Variants in NUP153 observed in about 807,000 individuals in gnomAD.
NUP153 encodes nuclear pore complex protein Nup153.
A neutral mutation model predicts 134.6 loss-of-function variants in NUP153; 27 were observed. That is an observed-to-expected ratio of 0.20 (90% CI 0.15 to 0.28). The LOEUF is 0.28. NUP153 is among the 10% of genes least tolerant of loss of function. The pLI is 1.00. For synonymous variants in NUP153, 640 were observed against 623.5 expected (o/e 1.03, Z -0.40); for missense variants, 1,821 against 1,731.3 (o/e 1.05, Z -0.92).
intron 20 of NUP153, among the ~76,000 whole-genome samples, chr6:17,620,778 G>GCTATCCAGGTCCTAT (rs1397645553): frequency 4.6e-5 from 7 of 152,142 alleles, no homozygotes; most frequent in African/African-American, 7.2e-5. Context: ...GCCCCTGGAA[G>GCTATCCAGGTCCTAT]CCAAAAGATA....
At chr6:17,641,977 T>C (rs964368159) in intron 14 of NUP153, among the ~76,000 whole-genome samples, 17 of 152,330 alleles carry the variant, frequency 1.1e-4, no homozygotes, top group African/African-American at 4.1e-4. Context: ...TAATGAAATA[T>C]ACTAATAACC....
intron 2 of NUP153, among the ~76,000 whole-genome samples, chr6:17,685,243 G>A (rs190827406): frequency 5.4e-4 from 72 of 134,074 alleles, no homozygotes; most frequent in Admixed American, 1.8e-3. Context: ...ATATAGTCAT[G>A]TGCCACATAA....
intron 1 of NUP153, among the ~76,000 whole-genome samples, chr6:17,698,446 T>C (rs556473894): frequency 1.3e-5 from 2 of 152,068 alleles, no homozygotes; most frequent in South Asian, 2.1e-4. Context: ...ATACAAAAAT[T>C]AGCTGGGAGC....
At chr6:17,659,912 G>A (rs905706221) in intron 11 of NUP153, among the ~76,000 whole-genome samples, 1 of 152,134 alleles carries the variant, frequency 6.6e-6, no homozygotes, top group Admixed American at 6.6e-5. Flanking sequence ...ATGATATACA[G>A]TAATAGATTC....
chr6:17,625,281 A>C lies in NUP153; in HGVS notation c.3902-448T>G, dbSNP rs1764870787. Reference sequence around the variant, plus strand: ...GCCAGGCACAGTGGCTCACACCTGTAATCTCAGCACTTTGAAAGGCCGAGG... The same window carrying C: ...GCCAGGCACAGTGGCTCACACCTGTCATCTCAGCACTTTGAAAGGCCGAGG... On this transcript the variant is annotated intron_variant, in intron 19 of 21. Coordinates refer to ENST00000262077, the MANE Select transcript of NUP153 (RefSeq NM_005124.4). This position sits in a 1 kb window ranked among gnomAD's most constrained non-coding sequence, Gnocchi z 4.7. 6.6e-6 allele frequency among the ~76,000 whole-genome samples: 1 copy of C among 152,208 alleles called. No homozygotes were observed. The highest frequency in any genetic ancestry group is 2.1e-4 in the South Asian group (1 of 4,834).
chr6:17,690,832 G>A (rs1017702542), intron 1 of NUP153, among the ~76,000 whole-genome samples: 3 of 152,154 alleles, frequency 2.0e-5, no homozygotes, highest in African/African-American at 7.2e-5. Context: ...CACTTGAATA[G>A]TAATTTCCTT....
intron 8 of NUP153, among the ~76,000 whole-genome samples, chr6:17,667,707 C>T (rs1243835548): frequency 2.0e-5 from 3 of 152,050 alleles, no homozygotes; most frequent in Admixed American, 6.6e-5. Context: ...CAGAGCGAGA[C>T]GCTGCCTCAA....
chr6:17,632,501 A>G, intron 17 of NUP153, 149 bp downstream of exon 17: 2 of 587,852 alleles, frequency 3.4e-6, no homozygotes, highest in East Asian at 5.9e-5. Context: ...AAACAGATAT[A>G]ACTAAAACAT....
Position 17,616,045 on chromosome 6 carries a change from G to A in NUP153, c.*52C>T. The A allele has an allele frequency of 7.8e-7, 1 of 1,285,724 alleles. No individual in the cohort carries two copies. The highest frequency in any genetic ancestry group is 1.1e-6 in the Non-Finnish European group (1 of 881,502). The allele number at this position is 1,285,724 out of a possible 1,614,324, so 79.6% of individuals were successfully genotyped here. ...CAGCACAAAGTACAATCCAGTATCT[G>A]AAAGCAGGGCACCAGCTGTTGTTAA... On this transcript the variant is annotated 3_prime_UTR_variant, in exon 22 of 22. Transcript: ENST00000262077.
chr6:17,668,228 G>A (rs1343370938), intron 8 of NUP153, among the ~76,000 whole-genome samples: 8 of 151,302 alleles, frequency 5.3e-5, no homozygotes, highest in Non-Finnish European at 7.4e-5. Context: ...GGTGCGCACC[G>A]CCACACCTGG....
chr6:17,626,051 T>C lies in NUP153; in HGVS notation c.3658A>G (p.Asn1220Asp), dbSNP rs779858702. 1 of 1,614,142 alleles carries C rather than the reference T, an allele frequency of 6.2e-7. No homozygotes were observed. The highest frequency in any genetic ancestry group is 1.3e-5 in the African/African-American group (1 of 75,050). Residue 1220 changes from asparagine (N) to aspartate (D), a missense_variant, in exon 19 of 22, where the codon AAT (asparagine) becomes GAT (aspartate). Physicochemically the swap from Asn to Asp is conservative, Grantham distance 23. Transcript: ENST00000262077. Reference protein sequence around the residue: ...GIFGSSTSSSNPPVATFVFGQ... With the variant: ...GIFGSSTSSSDPPVATFVFGQ... ...AACACAAAGGTAGCCACAGGTGGATTGGAGGAAGAGGTGGAACTACCAAAT... is the reference window on the plus strand; with the variant it reads ...AACACAAAGGTAGCCACAGGTGGATCGGAGGAAGAGGTGGAACTACCAAAT...
intron 1 of NUP153, among the ~76,000 whole-genome samples, chr6:17,703,655 T>TAAAA (rs57394467): frequency 1.4e-5 from 2 of 142,106 alleles, no homozygotes; most frequent in African/African-American, 2.6e-5. Context: ...TTTTTAAGAT[T>TAAAA]AAAAAAAAAA....
intron 13 of NUP153, 24 bp from the exon 14 acceptor site, chr6:17,646,178 A>C (rs1036432923): frequency 7.8e-7 from 1 of 1,286,546 alleles, no homozygotes; most frequent in Non-Finnish European, 1.1e-6. Flanking sequence ...GAATATCCTT[A>C]TACTTCGTTT....
chr6:17,629,007 T>C lies in NUP153; in HGVS notation c.3192A>G (p.Thr1064=). The change falls in exon 18 of 22, where the codon ACA becomes ACG. Residue 1064 remains threonine (T), a synonymous_variant. Transcript: ENST00000262077. ...CTTTTTTAGCTTCTGATGTCTTACA[T>C]GTGAAAGGAGCCACTGAAGCACTCT... is the stretch of plus-strand genomic sequence containing the variant. ...ETKSASVAPF[T]CKTSEAKKEE... 2 of 1,614,202 alleles carry C rather than the reference T, an allele frequency of 1.2e-6. No individual in the cohort carries two copies. The highest frequency in any genetic ancestry group is 1.1e-5 in the South Asian group (1 of 91,088).
intron 16 of NUP153, among the ~76,000 whole-genome samples, chr6:17,636,733 C>T (rs1581683227): frequency 6.6e-6 from 1 of 152,174 alleles, no homozygotes; most frequent in Non-Finnish European, 1.5e-5. Context: ...ACAGCTACAG[C>T]CTTTTCATTA....
At chr6:17,683,238 T>C (rs1402227881) in intron 2 of NUP153, among the ~76,000 whole-genome samples, 2 of 152,182 alleles carry the variant, frequency 1.3e-5, no homozygotes, top group Admixed American at 1.3e-4. Context: ...TCAACAAATG[T>C]TCTTAATGTC....
Position 17,675,384 on chromosome 6 carries a change from A to G in NUP153, c.584-16T>C. On this transcript the variant is annotated splice_polypyrimidine_tract_variant and intron_variant, in intron 3 of 21. Coordinates refer to ENST00000262077, the MANE Select transcript of NUP153 (RefSeq NM_005124.4). The surrounding 1 kb of genome is among the most constrained non-coding windows in gnomAD (Gnocchi z 4.4). Reference sequence around the variant, plus strand: ...ACAGTTATATCTGAAACAAAATTACATAATCCATAGTAATAACACCAATAC... The same window carrying G: ...ACAGTTATATCTGAAACAAAATTACGTAATCCATAGTAATAACACCAATAC... The G allele has an allele frequency of 6.2e-7, 1 of 1,611,886 alleles. No homozygotes were observed. The highest frequency in any genetic ancestry group is 8.5e-7 in the Non-Finnish European group (1 of 1,178,258).
chr6:17,699,107 A>T (rs1769870205), intron 1 of NUP153, among the ~76,000 whole-genome samples: 1 of 152,220 alleles, frequency 6.6e-6, no homozygotes, highest in African/African-American at 2.4e-5. Flanking sequence ...TGTCAGCAAG[A>T]CTTGAAACCA....
At chr6:17,634,491 G>GAA (rs1765420516) in intron 16 of NUP153, among the ~76,000 whole-genome samples, 1 of 151,574 alleles carries the variant, frequency 6.6e-6, no homozygotes, top group African/African-American at 2.4e-5. Flanking sequence ...GGGTGGAGTA[G>GAA]AGTGGCACAA....
Sources: allele counts gnomAD v4.1 joint callset (sites outside exome capture counted in the v4.1 genomes callset), GRCh38; gene constraint gnomAD v4.1.1; non-coding constraint Gnocchi (gnomAD v3.1); transcripts MANE v1.5; gene names NCBI Gene and HGNC (gene_info 2026-07-23, HGNC 2026-07-21).